The following PYGL variants were observed in gnomAD, a reference collection of about 807,000 sequenced individuals.
PYGL encodes the protein glycogen phosphorylase L, also known as glycogen phosphorylase, liver form.
In PYGL, 90 loss-of-function variants were observed where a neutral mutation model predicts 100.1. The ratio of observed to expected loss-of-function variants is 0.90; its 90% confidence interval spans 0.76 to 1.07. The LOEUF is 1.07. Among genes scored for constraint, PYGL ranks in the 50% least tolerant of loss-of-function variants. The probability of loss-of-function intolerance (pLI) is 0.00; values close to 1 mark genes in which losing one functional copy is unlikely to be tolerated. For missense variants in PYGL, 1,016 were observed against 1,057.6 expected, an observed-to-expected ratio of 0.96 and a Z score of 0.55; for synonymous variants, 373 against 393.0, an observed-to-expected ratio of 0.95 and a Z score of 0.60.
chr14:50,927,158 A>C (rs1013882014), intron 4 of PYGL, among the ~76,000 whole-genome samples: 6 of 152,112 alleles, frequency 3.9e-5, no homozygotes, highest in African/African-American at 1.4e-4. Context: ...ATGGGCACTG[A>C]ACTTCCTCCT....
In PYGL at chr14:50,916,634, A is replaced by C; in HGVS notation, c.1092+8T>G. The C allele has an allele frequency of 6.2e-7, 1 of 1,605,772 alleles. No homozygotes were observed. Among genetic ancestry groups the C allele is most frequent in the African/African-American group, 1.3e-5 (1 of 74,884 alleles). On this transcript the variant is annotated splice_region_variant and intron_variant, in intron 9 of 19. Transcript: ENST00000216392. ...AATTAAAGGAAAAAGAAGCCAAACT[A>C]TCCAGACCTTGGACCAGGGCAGTTT...
intron 5 of PYGL, among the ~76,000 whole-genome samples, chr14:50,921,793 A>G (rs1386251483): frequency 1.3e-5 from 2 of 152,262 alleles, no homozygotes; most frequent in Non-Finnish European, 2.9e-5. Context: ...TAGCACTTAG[A>G]ATATGTTTTG....
intron 2 of PYGL, among the ~76,000 whole-genome samples, 191 bp downstream of exon 2, chr14:50,937,545 T>A (rs978071494): frequency 6.6e-6 from 1 of 152,242 alleles, no homozygotes; most frequent in African/African-American, 2.4e-5. Context: ...GTTATCTAAC[T>A]TTTTCTGGTT....
chr14:50,942,506 T>C lies in PYGL; in HGVS notation c.243+1655A>G, dbSNP rs1336820639. On this transcript the variant is annotated intron_variant, in intron 1 of 19. Transcript: ENST00000216392. ...GCGCAGTATGGTGTACTTAGTAGCA[T>C]TCCCTTTGTGTAAATAAATTTTTAA... is the stretch of plus-strand genomic sequence containing the variant. Among the ~76,000 whole-genome samples the C allele has an allele frequency of 1.4e-5, 2 of 140,248 alleles. 1 individual carries two copies. Among genetic ancestry groups the C allele is most frequent in the Non-Finnish European group, 3.1e-5 (2 of 63,648 alleles). 92.0% of individuals were successfully genotyped at this position (140,248 alleles called of 152,430 possible).
intron 2 of PYGL, among the ~76,000 whole-genome samples, chr14:50,937,255 G>A (rs1014274886): frequency 2.0e-5 from 3 of 152,208 alleles, no homozygotes; most frequent in African/African-American, 7.2e-5. Flanking sequence ...TCTCCTTTAA[G>A]GAGGAAGTGT....
intron 1 of PYGL, among the ~76,000 whole-genome samples, chr14:50,942,031 T>C (rs568287590): frequency 1.3e-5 from 2 of 152,288 alleles, no homozygotes; most frequent in South Asian, 4.1e-4. Flanking sequence ...GAATTCAGAC[T>C]AGGGATCCAT....
intron 6 of PYGL, 92 bp from the exon 7 acceptor site, chr14:50,920,715 T>C (rs1386377418): frequency 3.7e-6 from 5 of 1,339,962 alleles, no homozygotes; most frequent in Non-Finnish European, 5.3e-6. Flanking sequence ...GTGTGTCATG[T>C]GGGATTCCTA....
intron 4 of PYGL, among the ~76,000 whole-genome samples, chr14:50,930,483 T>C (rs2050592576): frequency 6.6e-6 from 1 of 152,212 alleles, no homozygotes; most frequent in South Asian, 2.1e-4. Flanking sequence ...TAGCTAAAGA[T>C]AAACAGCTCT....
At chr14:50,939,987 C>G (rs1363779116) in intron 1 of PYGL, among the ~76,000 whole-genome samples, 1 of 152,194 alleles carries the variant, frequency 6.6e-6, no homozygotes, top group Non-Finnish European at 1.5e-5. Context: ...TAACGGGCCA[C>G]CTAACACTGC....
chr14:50,923,740 C>A, intron 5 of PYGL: 2 of 284,278 alleles, frequency 7.0e-6, no homozygotes, highest in South Asian at 7.0e-5. Flanking sequence ...AAGCTGGTTG[C>A]AAAATGACCC....
chr14:50,937,142 A>G (rs2050660669), intron 2 of PYGL, among the ~76,000 whole-genome samples: 1 of 152,236 alleles, frequency 6.6e-6, no homozygotes, highest in Admixed American at 6.5e-5. Flanking sequence ...AAAAAGGTTA[A>G]GGGCTACCTG....
chr14:50,935,035 G>A, intron 3 of PYGL, 72 bp downstream of exon 3: 1 of 1,390,914 alleles, frequency 7.2e-7, no homozygotes, highest in Non-Finnish European at 1.0e-6. Flanking sequence ...GTTCTTGCAA[G>A]CATGGTCATG....
intron 1 of PYGL, among the ~76,000 whole-genome samples, chr14:50,941,875 CACAAA>C (rs994312760): frequency 1.3e-5 from 2 of 152,042 alleles, no homozygotes; most frequent in Non-Finnish European, 2.9e-5. Flanking sequence ...GAGACTCTGT[CACAAA>C]ACAAAACAAA....
rs1157087031 is a variant in PYGL at position 50,911,961 on chromosome 14, G to T, written c.1827+17C>A. The T allele has an allele frequency of 1.2e-6, 2 of 1,613,114 alleles. No individual in the cohort carries two copies. Among genetic ancestry groups the T allele is most frequent in the Admixed American group, 1.7e-5 (1 of 60,014 alleles). ...AGATTAGAGCCCTCAAGTCCCCATT[G>T]AATAGATTCAACTTACTTTACCACC... On this transcript the variant is annotated intron_variant, in intron 15 of 19. Transcript: ENST00000216392.
At position 50,914,845 on chromosome 14, in the gene PYGL, T is replaced by G. The variant is rs377377330; in HGVS notation, c.1404-30A>C. On this transcript the variant is annotated intron_variant, in intron 11 of 19. Coordinates refer to ENST00000216392, the MANE Select transcript of PYGL (RefSeq NM_002863.5). The stretch of plus-strand genomic sequence containing the variant: ...AGATGGAGGAGACACATCACTGAAT[T>G]TGGCTGAAACGGCAAAGGGTCCTGC... 4.5e-5 allele frequency: 70 copies of G among 1,565,156 alleles called. No homozygotes were observed. The African/African-American group carries it at 8.4e-4, about 19-fold the overall frequency.
chr14:50,939,316 C>T (rs1472130448), intron 1 of PYGL, among the ~76,000 whole-genome samples: 4 of 152,172 alleles, frequency 2.6e-5, no homozygotes, highest in East Asian at 1.9e-4. Flanking sequence ...GGATTACAGG[C>T]GTGAGCCAAG....
At chr14:50,921,285 A>G in intron 5 of PYGL, 2 of 569,022 alleles carry the variant, frequency 3.5e-6, no homozygotes, top group East Asian at 6.0e-5. Flanking sequence ...GACTGAAACC[A>G]TCCACACTGA....
intron 2 of PYGL, 136 bp downstream of exon 2, chr14:50,937,600 G>T: frequency 1.2e-6 from 1 of 800,670 alleles, no homozygotes; most frequent in Non-Finnish European, 2.1e-6. Flanking sequence ...ATTTCTAAAA[G>T]TTTGTAATAG....
At chr14:50,924,123 T>G (rs373135308) in intron 4 of PYGL, 23 bp from the exon 5 acceptor site, 47 of 1,610,442 alleles carry the variant, frequency 2.9e-5, no homozygotes, top group Non-Finnish European at 3.9e-5. Flanking sequence ...ACAGTATTGC[T>G]TAGAATTTAT....
Sources: allele counts gnomAD v4.1 joint callset (sites outside exome capture counted in the v4.1 genomes callset), GRCh38; gene constraint gnomAD v4.1.1; transcripts MANE v1.5; gene names NCBI Gene and HGNC (gene_info 2026-07-23, HGNC 2026-07-21).